Variants in CSMD1 observed in about 807,000 individuals in gnomAD.
The protein encoded by CSMD1 is CUB and sushi domain-containing protein 1.
In CSMD1, 213 loss-of-function variants were observed where a neutral mutation model predicts 417.5. That is an observed-to-expected ratio of 0.51 (90% CI 0.46 to 0.57). CSMD1 has a LOEUF of 0.57. Ranked by LOEUF, CSMD1 falls within the 20% of genes least tolerant of loss-of-function variation. CSMD1 has a pLI of 0.00. For missense variants in CSMD1, 6,923 were observed against 4,529.7 expected (o/e 1.53, Z -15.17); for synonymous variants, 2,862 against 1,736.8 (o/e 1.65, Z -16.11).
intron 26 of CSMD1, among the ~76,000 whole-genome samples, chr8:3,231,491 G>A (rs1314112810): frequency 6.6e-6 from 1 of 152,234 alleles, no homozygotes; most frequent in African/African-American, 2.4e-5. Flanking sequence ...TGAAGCATTT[G>A]TGTGTGTGCG....
chr8:4,204,872 G>A (rs1463261309), intron 3 of CSMD1, among the ~76,000 whole-genome samples: 2 of 151,976 alleles, frequency 1.3e-5, no homozygotes, highest in African/African-American at 2.4e-5. Context: ...TATTCCCCAG[G>A]CTGGTCCTGA....
chr8:4,654,565 G>A (rs1323760079), intron 1 of CSMD1, among the ~76,000 whole-genome samples: 2 of 152,070 alleles, frequency 1.3e-5, no homozygotes, highest in Non-Finnish European at 2.9e-5. Context: ...GAGGAATGGA[G>A]GGATGTTGGT....
At chr8:4,422,068 C>T (rs368334100) in intron 2 of CSMD1, among the ~76,000 whole-genome samples, 6 of 152,146 alleles carry the variant, frequency 3.9e-5, no homozygotes, top group African/African-American at 1.4e-4. Flanking sequence ...CTAACTCAAA[C>T]AAATGAACTA....
chr8:4,228,530 C>A (rs1055916605), intron 3 of CSMD1, among the ~76,000 whole-genome samples: 3 of 151,524 alleles, frequency 2.0e-5, no homozygotes, highest in Non-Finnish European at 2.9e-5. Flanking sequence ...TATCTTGGCT[C>A]TTCTACAACC....
chr8:3,761,397 A>G lies in CSMD1; in HGVS notation c.819-7355T>C, dbSNP rs181353835. Among the ~76,000 whole-genome samples the G allele has an allele frequency of 4.5e-4, 68 of 152,242 alleles. 2 individuals are homozygous for G. The highest frequency in any genetic ancestry group is 2.1e-4 in the Non-Finnish European group (14 of 68,024). On this transcript the variant is annotated intron_variant, in intron 5 of 69. Coordinates refer to ENST00000635120, the MANE Select transcript of CSMD1 (RefSeq NM_033225.6). The stretch of plus-strand genomic sequence containing the variant: ...ACACGTATATACTATCTGGGGAAAA[A>G]CAACCAACTATGAAACAAAATAAAA...
At chr8:4,283,152 T>C (rs1281192593) in intron 3 of CSMD1, among the ~76,000 whole-genome samples, 2 of 152,206 alleles carry the variant, frequency 1.3e-5, no homozygotes, top group Non-Finnish European at 2.9e-5. Flanking sequence ...TTGTTGGTTT[T>C]GTGAAGGTAC....
chr8:3,027,890 A>G (rs1294466241), intron 51 of CSMD1, among the ~76,000 whole-genome samples: 1 of 152,262 alleles, frequency 6.6e-6, no homozygotes, highest in African/African-American at 2.4e-5. Flanking sequence ...TAATGAGTTT[A>G]GTTCAGGAAT....
At chr8:3,268,681 A>G (rs930432313) in intron 26 of CSMD1, among the ~76,000 whole-genome samples, 1 of 152,148 alleles carries the variant, frequency 6.6e-6, no homozygotes, top group African/African-American at 2.4e-5. Flanking sequence ...TTTTAAAGAC[A>G]TTGTGATAAT....
intron 5 of CSMD1, among the ~76,000 whole-genome samples, chr8:3,971,073 G>T (rs892158528): frequency 2.6e-5 from 4 of 152,102 alleles, no homozygotes; most frequent in African/African-American, 9.7e-5. Context: ...TAATACAAAT[G>T]GGGGAGCCGA....
intron 3 of CSMD1, among the ~76,000 whole-genome samples, chr8:4,218,423 A>G (rs1048411143): frequency 6.6e-6 from 1 of 152,202 alleles, no homozygotes; most frequent in South Asian, 2.1e-4. Flanking sequence ...TTTATATTAT[A>G]TACCTACTTT....
chr8:4,355,543 A>C (rs553301723), intron 3 of CSMD1, among the ~76,000 whole-genome samples: 6 of 152,192 alleles, frequency 3.9e-5, no homozygotes, highest in Admixed American at 2.0e-4. Flanking sequence ...CCTTCAGTAC[A>C]TAAGTGAAGA....
At chr8:3,209,322 T>A (rs547369202) in intron 30 of CSMD1, among the ~76,000 whole-genome samples, 33 of 151,934 alleles carry the variant, frequency 2.2e-4, no homozygotes, top group Non-Finnish European at 2.9e-5. Flanking sequence ...TTTATTTATA[T>A]TTATTTATTT....
At chr8:3,336,913 G>A (rs1269770854) in intron 23 of CSMD1, among the ~76,000 whole-genome samples, 1 of 152,028 alleles carries the variant, frequency 6.6e-6, no homozygotes, top group Non-Finnish European at 1.5e-5. Context: ...CCAAAACACA[G>A]GTCTTGTAAT....
intron 1 of CSMD1, among the ~76,000 whole-genome samples, chr8:4,692,068 C>G (rs183916449): frequency 6.6e-6 from 1 of 152,146 alleles, no homozygotes; most frequent in South Asian, 2.1e-4. Flanking sequence ...CACAACCTAC[C>G]CTACAAATGG....
chr8:4,201,002 A>C (rs971445819), intron 3 of CSMD1, among the ~76,000 whole-genome samples: 1 of 152,206 alleles, frequency 6.6e-6, no homozygotes, highest in Non-Finnish European at 1.5e-5. Flanking sequence ...AGCGCCGTTC[A>C]TATCAGTGTG....
intron 26 of CSMD1, among the ~76,000 whole-genome samples, chr8:3,273,600 C>T (rs1044833659): frequency 6.6e-6 from 1 of 152,206 alleles, no homozygotes; most frequent in African/African-American, 2.4e-5. Context: ...ATTATTGCCA[C>T]AATTTCAGCT....
chr8:3,158,427 C>T (rs1281474844), intron 38 of CSMD1, among the ~76,000 whole-genome samples: 5 of 151,816 alleles, frequency 3.3e-5, no homozygotes, highest in Non-Finnish European at 5.9e-5. Context: ...TGTGCTTCCG[C>T]GTCACATGAC....
At chr8:3,797,100 C>A (rs975216991) in intron 5 of CSMD1, among the ~76,000 whole-genome samples, 1 of 151,788 alleles carries the variant, frequency 6.6e-6, no homozygotes, top group African/African-American at 2.4e-5. Flanking sequence ...AATGGGTGAA[C>A]ATTTAAAACA....
chr8:4,289,772 C>G (rs943958683), intron 3 of CSMD1, among the ~76,000 whole-genome samples: 36 of 152,286 alleles, frequency 2.4e-4, no homozygotes, highest in African/African-American at 8.2e-4. Flanking sequence ...GTACTGGAAG[C>G]ACCATAGTTA....
Sources: gnomAD v4.1 joint callset for allele counts (sites outside exome capture counted in the v4.1 genomes callset) on GRCh38, gnomAD v4.1.1 for gene constraint, MANE v1.5 for transcripts, NCBI Gene and HGNC (gene_info 2026-07-23, HGNC 2026-07-21) for gene names.